The following CTNNA2 variants were observed in gnomAD, a reference collection of about 807,000 sequenced individuals.
CTNNA2 encodes catenin alpha 2.
In CTNNA2, 42 loss-of-function variants were observed where a neutral mutation model predicts 101.0. The ratio of observed to expected loss-of-function variants is 0.42; its 90% confidence interval spans 0.32 to 0.54. The LOEUF (loss-of-function observed/expected upper bound fraction) is 0.54, where lower values mean the gene tolerates loss of function less well. Among genes scored for constraint, CTNNA2 ranks in the 20% least tolerant of loss-of-function variants. The pLI is 0.14. For missense variants in CTNNA2, 871 were observed against 1,223.1 expected (o/e 0.71, Z 4.29); for synonymous variants, 450 against 456.4 (o/e 0.99, Z 0.18).
chr2:80,181,326 G>C (rs1490911155), intron 7 of CTNNA2, among the ~76,000 whole-genome samples: 1 of 152,094 alleles, frequency 6.6e-6, no homozygotes, highest in African/African-American at 2.4e-5. Context: ...CACCACTGGG[G>C]GTGGGAAGGC....
intron 3 of CTNNA2, among the ~76,000 whole-genome samples, chr2:79,844,191 C>A (rs1680032928): frequency 6.6e-6 from 1 of 152,098 alleles, no homozygotes. Context: ...AAGCAGCCTG[C>A]AAGAGGCAGG....
intron 1 of CTNNA2, among the ~76,000 whole-genome samples, chr2:79,611,960 A>G (rs946280410): frequency 5.9e-5 from 9 of 152,106 alleles, no homozygotes; most frequent in South Asian, 2.1e-4. Context: ...TCTCCCATCT[A>G]GCAGATCTCC....
At chr2:79,263,604 G>A (rs1674950729) in intron 2 of CTNNA2, among the ~76,000 whole-genome samples, 1 of 152,150 alleles carries the variant, frequency 6.6e-6, no homozygotes, top group African/African-American at 2.4e-5. Flanking sequence ...ATCTCCCAAA[G>A]CTAATATGTA....
At chr2:79,675,465 T>C (rs2104608164) in intron 2 of CTNNA2, among the ~76,000 whole-genome samples, 1 of 152,314 alleles carries the variant, frequency 6.6e-6, no homozygotes, top group South Asian at 2.1e-4. Context: ...AGAAACACTT[T>C]CGGGGGCTTG....
At chr2:80,245,387 A>G (rs770933598) in intron 7 of CTNNA2, among the ~76,000 whole-genome samples, 4 of 152,190 alleles carry the variant, frequency 2.6e-5, no homozygotes, top group African/African-American at 4.8e-5. Context: ...CTTTCCCTAA[A>G]ATTGTATCAC....
At chr2:79,701,528 C>T (rs1685000449) in intron 2 of CTNNA2, among the ~76,000 whole-genome samples, 1 of 152,190 alleles carries the variant, frequency 6.6e-6, no homozygotes, top group Non-Finnish European at 1.5e-5. Flanking sequence ...ATCTACTGGA[C>T]AGCAATTCTG....
At chr2:79,340,688 C>G in intron 3 of CTNNA2, among the ~76,000 whole-genome samples, 1 of 151,724 alleles carries the variant, frequency 6.6e-6, no homozygotes, top group East Asian at 1.9e-4. Context: ...AAAAATTTAG[C>G]CAGGCGTGGG....
intron 3 of CTNNA2, among the ~76,000 whole-genome samples, chr2:79,814,486 G>T (rs867358855): frequency 6.6e-6 from 1 of 151,922 alleles, no homozygotes; most frequent in African/African-American, 2.4e-5. Flanking sequence ...TACAATATTT[G>T]GTTTTCCATT....
At chr2:79,707,811 C>A (rs1685483364) in intron 2 of CTNNA2, among the ~76,000 whole-genome samples, 1 of 152,180 alleles carries the variant, frequency 6.6e-6, no homozygotes. Flanking sequence ...GCCAACTCTT[C>A]CTTTTGACAA....
chr2:80,304,035 C>T (rs765253644), intron 7 of CTNNA2: 2 of 476,414 alleles, frequency 4.2e-6, no homozygotes, highest in Non-Finnish European at 3.6e-6. Context: ...AGAAAGTTCA[C>T]AGCCACGGAA....
intron 2 of CTNNA2, among the ~76,000 whole-genome samples, chr2:79,250,614 G>A (rs1674759093): frequency 6.6e-6 from 1 of 152,154 alleles, no homozygotes; most frequent in African/African-American, 2.4e-5. Flanking sequence ...TCAAAGCCCT[G>A]TTGAGGAGTC....
intron 11 of CTNNA2, among the ~76,000 whole-genome samples, chr2:80,551,058 G>A (rs1349835134): frequency 1.3e-5 from 2 of 152,172 alleles, no homozygotes; most frequent in African/African-American, 4.8e-5. Context: ...CTGCAGAATA[G>A]ATGTGTTAGC....
At chr2:80,030,149 ATTTG>A (rs574231538) in intron 7 of CTNNA2, among the ~76,000 whole-genome samples, 1 of 151,988 alleles carries the variant, frequency 6.6e-6, no homozygotes, top group Non-Finnish European at 1.5e-5. Context: ...TTTAAATGTA[ATTTG>A]TTTAAGATCT....
intron 7 of CTNNA2, among the ~76,000 whole-genome samples, chr2:80,149,699 T>G (rs1355876644): frequency 6.6e-6 from 1 of 151,732 alleles, no homozygotes; most frequent in Non-Finnish European, 1.5e-5. Flanking sequence ...GCTAGTTCCT[T>G]TCCAAGTCAT....
intron 9 of CTNNA2, among the ~76,000 whole-genome samples, chr2:80,476,665 A>G (rs1288357644): frequency 6.6e-6 from 1 of 152,072 alleles, no homozygotes; most frequent in Non-Finnish European, 1.5e-5. Flanking sequence ...AGGCAAGCTC[A>G]CAGACGGGTT....
intron 2 of CTNNA2, among the ~76,000 whole-genome samples, chr2:79,288,611 C>G (rs1675694087): frequency 6.6e-6 from 1 of 152,188 alleles, no homozygotes; most frequent in East Asian, 1.9e-4. Flanking sequence ...TTCTTTCTCT[C>G]TCTCCACATG....
At chr2:79,977,288 G>A (rs999773738) in intron 7 of CTNNA2, among the ~76,000 whole-genome samples, 1 of 150,414 alleles carries the variant, frequency 6.6e-6, no homozygotes, top group Non-Finnish European at 1.5e-5. Flanking sequence ...TATGAGAGAT[G>A]TAATTATCAT....
At chr2:80,570,850 G>A (rs1694523794) in intron 12 of CTNNA2, among the ~76,000 whole-genome samples, 1 of 152,042 alleles carries the variant, frequency 6.6e-6, no homozygotes, top group Non-Finnish European at 1.5e-5. Flanking sequence ...TCTCACTAGA[G>A]AGATAATGTA....
chr2:79,850,441 T>C (rs1680613777), intron 3 of CTNNA2, among the ~76,000 whole-genome samples: 1 of 145,486 alleles, frequency 6.9e-6, no homozygotes, highest in Non-Finnish European at 1.5e-5. Flanking sequence ...CTCCCTCCCT[T>C]CCTTCCTTTC....
Sources: gnomAD v4.1 joint callset for allele counts (sites outside exome capture counted in the v4.1 genomes callset) on GRCh38, gnomAD v4.1.1 for gene constraint, MANE v1.5 for transcripts, NCBI Gene and HGNC (gene_info 2026-07-23, HGNC 2026-07-21) for gene names.